Variants in ALLC observed in about 807,000 individuals in gnomAD.
ALLC encodes the protein allantoicase, also known as probable inactive allantoicase.
In ALLC, 40 loss-of-function variants were observed where a neutral mutation model predicts 45.0. The ratio of observed to expected loss-of-function variants is 0.89; its 90% CI spans 0.69 to 1.16. The LOEUF (loss-of-function observed/expected upper bound fraction) is 1.16. Ranked by LOEUF, ALLC falls within the 50% of genes most tolerant of loss-of-function variation. The pLI, the probability that ALLC is intolerant of heterozygous loss-of-function variation, is 0.00. For synonymous variants in ALLC, 176 were observed against 178.1 expected, an observed-to-expected ratio of 0.99 and a Z score of 0.09; for missense variants, 488 against 493.1, an observed-to-expected ratio of 0.99 and a Z score of 0.10.
intron 2 of ALLC, among the ~76,000 whole-genome samples, chr2:3,671,427 G>A (rs552594115): frequency 4.7e-4 from 71 of 152,408 alleles, no homozygotes; most frequent in African/African-American, 1.7e-3. Flanking sequence ...ACAGACTGTG[G>A]TCCTCTGCTC....
intron 1 of ALLC, among the ~76,000 whole-genome samples, chr2:3,662,926 G>A (rs1666609489): frequency 6.6e-6 from 1 of 152,178 alleles, no homozygotes; most frequent in African/African-American, 2.4e-5. Flanking sequence ...GCAATGCTGC[G>A]ACCCCCAGTG....
chr2:3,648,051 G>C, the ALLC span, among the ~76,000 whole-genome samples: 1 of 151,984 alleles, frequency 6.6e-6, no homozygotes, highest in Non-Finnish European at 1.5e-5. Flanking sequence ...GGGGCAATGG[G>C]CAGTGGGTGT....
At chr2:3,668,854 G>A (rs1052839521) in intron 1 of ALLC, among the ~76,000 whole-genome samples, 4 of 151,510 alleles carry the variant, frequency 2.6e-5, no homozygotes, top group Admixed American at 2.6e-4. Context: ...GGGATTACAG[G>A]AGTGAGCCAC....
intron 1 of ALLC, among the ~76,000 whole-genome samples, chr2:3,661,761 G>A (rs535992551): frequency 1.3e-5 from 2 of 152,314 alleles, no homozygotes; most frequent in Admixed American, 1.3e-4. Flanking sequence ...GTGTATTATA[G>A]TTTCATGTTG....
In ALLC at chr2:3,679,588, T is replaced by C. The variant is rs548776530; in HGVS notation, c.173-281T>C. Among the ~76,000 whole-genome samples the C allele has an allele frequency of 6.6e-5, 10 of 152,344 alleles. 1 individual carries two copies. In the South Asian group the frequency reaches 2.1e-3, roughly 32 times the overall value. On this transcript the variant is annotated intron_variant, in intron 4 of 11. Transcript: ENST00000252505. ...ATTTGCCAAGGACAGTCATAGGAAATGATCCATTTGGAACCAGAATCAGGT... is the reference window on the plus strand; with the variant it reads ...ATTTGCCAAGGACAGTCATAGGAAACGATCCATTTGGAACCAGAATCAGGT...
chr2:3,663,315 A>G (rs542259853), intron 1 of ALLC, among the ~76,000 whole-genome samples: 7 of 152,310 alleles, frequency 4.6e-5, no homozygotes, highest in Admixed American at 2.0e-4. Context: ...GCAAACTAAC[A>G]TGGGAACAGA....
intron 1 of ALLC, among the ~76,000 whole-genome samples, chr2:3,662,514 G>A (rs1012627957): frequency 2.0e-5 from 3 of 152,264 alleles, no homozygotes; most frequent in Non-Finnish European, 4.4e-5. Context: ...AGTGGCTGAT[G>A]AGATATACGG....
intron 10 of ALLC, among the ~76,000 whole-genome samples, chr2:3,697,732 C>G (rs1667720116): frequency 6.6e-6 from 1 of 151,924 alleles, no homozygotes; most frequent in Non-Finnish European, 1.5e-5. Flanking sequence ...GTGGCGCAAT[C>G]TCAGCTCACT....
intron 7 of ALLC, among the ~76,000 whole-genome samples, chr2:3,694,004 G>T (rs1355415008): frequency 6.6e-6 from 1 of 151,084 alleles, no homozygotes; most frequent in Admixed American, 6.6e-5. Flanking sequence ...GAAAACAAAA[G>T]AAAAAAAACA....
At chr2:3,685,477 C>A (rs957492904) in intron 7 of ALLC, among the ~76,000 whole-genome samples, 2 of 150,224 alleles carry the variant, frequency 1.3e-5, no homozygotes, top group African/African-American at 4.9e-5. Flanking sequence ...GACAGACAGA[C>A]AGAGAGAGAC....
chr2:3,691,027 G>A (rs1667502510), intron 7 of ALLC, among the ~76,000 whole-genome samples: 1 of 150,116 alleles, frequency 6.7e-6, no homozygotes, highest in African/African-American at 2.5e-5. Flanking sequence ...CTCAGCTCTT[G>A]TTTATCCAGG....
intron 1 of ALLC, among the ~76,000 whole-genome samples, chr2:3,669,337 G>A (rs1307685930): frequency 6.6e-6 from 1 of 152,170 alleles, no homozygotes; most frequent in Non-Finnish European, 1.5e-5. Flanking sequence ...AGCCAGGCGT[G>A]GTGGCAGGTT....
chr2:3,686,951 G>T (rs1334836090), intron 7 of ALLC, among the ~76,000 whole-genome samples: 2 of 150,830 alleles, frequency 1.3e-5, no homozygotes, highest in Non-Finnish European at 3.0e-5. Context: ...AATTGCTCCA[G>T]CCAGGACTTC....
the ALLC span, among the ~76,000 whole-genome samples, chr2:3,648,290 C>T: frequency 2.6e-5 from 4 of 152,206 alleles, no homozygotes; most frequent in African/African-American, 4.8e-5. Flanking sequence ...CCCAGTCACA[C>T]AGGAAAGCAT....
At chr2:3,651,292 CTTT>C in the ALLC span, among the ~76,000 whole-genome samples, 3 of 87,062 alleles carry the variant, frequency 3.4e-5, no homozygotes, top group African/African-American at 2.8e-4. Context: ...TGCGGGAATT[CTTT>C]TTGGGTGGGT....
chr2:3,700,755 C>T (rs181276193), intron 10 of ALLC, among the ~76,000 whole-genome samples: 12 of 152,262 alleles, frequency 7.9e-5, no homozygotes, highest in East Asian at 1.9e-4. Context: ...TCCGTATGCA[C>T]CCCAGGGGCA....
Position 3,680,080 on chromosome 2 carries a change from T to G in ALLC, c.298+86T>G. On this transcript the variant is annotated intron_variant, in intron 5 of 11. Transcript: ENST00000252505. The surrounding 1 kb of genome is among the most constrained non-coding windows in gnomAD (Gnocchi z 4.0). ...GCCACAGCCCCACAACTGCTCACTT[T>G]CCCTACCACCCAGACAGCTTCAGGC... 6.3e-7 allele frequency: 1 copy of G among 1,574,978 alleles called. No homozygotes were observed. Among genetic ancestry groups the G allele is most frequent in the Non-Finnish European group, 8.7e-7 (1 of 1,151,824 alleles).
At chr2:3,682,716 G>A (rs1286010882) in intron 6 of ALLC, among the ~76,000 whole-genome samples, 2 of 152,038 alleles carry the variant, frequency 1.3e-5, no homozygotes, top group South Asian at 4.2e-4. Flanking sequence ...TAGTACAGAC[G>A]GGGTTTCACC....
chr2:3,662,830 A>G (rs562265794), intron 1 of ALLC, among the ~76,000 whole-genome samples: 1 of 152,328 alleles, frequency 6.6e-6, no homozygotes, highest in East Asian at 1.9e-4. Context: ...AGGTGCCTTC[A>G]TTCACTTATG....
Sources: gnomAD v4.1 joint callset for allele counts (sites outside exome capture counted in the v4.1 genomes callset) on GRCh38, gnomAD v4.1.1 for gene constraint, Gnocchi (gnomAD v3.1) non-coding constraint, MANE v1.5 for transcripts, NCBI Gene and HGNC (gene_info 2026-07-23, HGNC 2026-07-21) for gene names.